The following ACTR3C variants were observed in gnomAD, a reference collection of about 807,000 sequenced individuals.
The protein encoded by ACTR3C is actin-related protein 3C.
In ACTR3C, 18 loss-of-function variants were observed where a neutral mutation model predicts 26.3. The observed-to-expected ratio is 0.68, with a 90% CI of 0.47 to 1.01. ACTR3C has a LOEUF of 1.01. Ranked by LOEUF, ACTR3C falls within the 50% of genes least tolerant of loss-of-function variation. ACTR3C has a pLI of 0.00. For synonymous variants in ACTR3C, 55 were observed against 94.5 expected, an observed-to-expected ratio of 0.58 and a Z score of 2.42; for missense variants, 184 against 250.7, an observed-to-expected ratio of 0.73 and a Z score of 1.80.
At chr7:150,041,193 A>G in the ACTR3C span, among the ~76,000 whole-genome samples, 1 of 150,380 alleles carries the variant, frequency 6.6e-6, no homozygotes, top group Admixed American at 6.6e-5. Flanking sequence ...CCATTTCAAA[A>G]GTTCCGGGTC....
chr7:150,314,990 A>T (rs1260201424), intron 1 of ACTR3C, among the ~76,000 whole-genome samples: 1 of 147,238 alleles, frequency 6.8e-6, no homozygotes, highest in Non-Finnish European at 1.5e-5. Flanking sequence ...ATTTTTAATA[A>T]TATTATTAAA....
the ACTR3C span, among the ~76,000 whole-genome samples, chr7:149,886,769 G>A: frequency 2.6e-5 from 4 of 152,154 alleles, no homozygotes; most frequent in South Asian, 4.2e-4. Context: ...CAGGCTGGGC[G>A]TCATAGTGAA....
At chr7:150,219,564 G>A in the ACTR3C span, among the ~76,000 whole-genome samples, 1 of 140,682 alleles carries the variant, frequency 7.1e-6, no homozygotes, top group Non-Finnish European at 1.5e-5. Context: ...GGCCCCACAG[G>A]ATCCGTGCGA....
At chr7:150,105,286 G>A in the ACTR3C span, among the ~76,000 whole-genome samples, 3 of 151,854 alleles carry the variant, frequency 2.0e-5, no homozygotes, top group South Asian at 6.2e-4. Context: ...GTTTCACCGT[G>A]TTAGACAGGA....
the ACTR3C span, among the ~76,000 whole-genome samples, chr7:150,053,234 C>T: frequency 3.3e-5 from 5 of 150,738 alleles, no homozygotes; most frequent in Admixed American, 6.7e-5. Context: ...TTCTCCAAAA[C>T]GTCTTAGTTC....
chr7:150,107,976 G>C, the ACTR3C span, among the ~76,000 whole-genome samples: 1 of 151,832 alleles, frequency 6.6e-6, no homozygotes, highest in Non-Finnish European at 1.5e-5. Flanking sequence ...GAGGATGATG[G>C]AATAATTAGA....
At chr7:150,013,514 G>T in the ACTR3C span, among the ~76,000 whole-genome samples, 1 of 152,202 alleles carries the variant, frequency 6.6e-6, no homozygotes, top group African/African-American at 2.4e-5. Flanking sequence ...GAAGCTAACT[G>T]CACCAAGAGA....
At chr7:149,887,775 G>A in the ACTR3C span, among the ~76,000 whole-genome samples, 1 of 142,452 alleles carries the variant, frequency 7.0e-6, no homozygotes, top group African/African-American at 2.6e-5. Context: ...CCCCTGTGTT[G>A]TGGGAGGGAC....
chr7:150,261,211 G>T (rs527331780), intron 6 of ACTR3C, among the ~76,000 whole-genome samples: 1 of 152,078 alleles, frequency 6.6e-6, no homozygotes, highest in Non-Finnish European at 1.5e-5. Context: ...TGGTGAGACC[G>T]TCACAGGTAT....
chr7:150,206,487 C>G, the ACTR3C span, among the ~76,000 whole-genome samples: 1 of 152,070 alleles, frequency 6.6e-6, no homozygotes, highest in Non-Finnish European at 1.5e-5. Context: ...GATTTTGGCT[C>G]ACCGCAACCT....
the ACTR3C span, among the ~76,000 whole-genome samples, chr7:150,180,062 T>C: frequency 6.6e-6 from 1 of 151,048 alleles, no homozygotes. Flanking sequence ...TCCCAGCACT[T>C]TGGGAGGCCG....
the ACTR3C span, among the ~76,000 whole-genome samples, chr7:149,951,685 G>A: frequency 6.6e-5 from 10 of 152,088 alleles, 1 homozygote; most frequent in East Asian, 1.3e-3. Flanking sequence ...CAAGGCTCAT[G>A]TGTTTAAATA....
chr7:150,182,072 T>C, the ACTR3C span, among the ~76,000 whole-genome samples: 1 of 150,594 alleles, frequency 6.6e-6, no homozygotes, highest in Non-Finnish European at 1.5e-5. Flanking sequence ...CAGTCCATGA[T>C]AACCAGCTCT....
chr7:150,126,027 C>T, the ACTR3C span, among the ~76,000 whole-genome samples: 1 of 152,180 alleles, frequency 6.6e-6, no homozygotes, highest in African/African-American at 2.4e-5. Flanking sequence ...CAGCTGACTG[C>T]CTTGCACCAG....
the ACTR3C span, among the ~76,000 whole-genome samples, chr7:150,219,351 C>T: frequency 6.8e-6 from 1 of 147,452 alleles, no homozygotes; most frequent in Non-Finnish European, 1.5e-5. Context: ...GTCTGCATAT[C>T]AAGGACTAAG....
the ACTR3C span, among the ~76,000 whole-genome samples, chr7:149,924,219 T>TA: frequency 3.4e-5 from 5 of 145,532 alleles, no homozygotes; most frequent in Middle Eastern, 0.01. Context: ...CTACTAAATA[T>TA]AAAAAATTAG....
intron 6 of ACTR3C, among the ~76,000 whole-genome samples, chr7:150,251,273 A>C (rs2129609250): frequency 6.6e-6 from 1 of 152,292 alleles, no homozygotes; most frequent in South Asian, 2.1e-4. Flanking sequence ...TTCAACACTA[A>C]ATTCTGATTA....
chr7:150,111,056 A>G, the ACTR3C span, among the ~76,000 whole-genome samples: 1 of 150,258 alleles, frequency 6.7e-6, no homozygotes, highest in Admixed American at 6.6e-5. Context: ...CACGTGGCAA[A>G]CCTCGCACCA....
the ACTR3C span, among the ~76,000 whole-genome samples, chr7:149,954,622 A>G: frequency 6.6e-5 from 10 of 151,942 alleles, no homozygotes; most frequent in African/African-American, 1.9e-4. Flanking sequence ...ACGTTGTGTT[A>G]ATTTCACTTA....
Sources: allele counts gnomAD v4.1 joint callset (sites outside exome capture counted in the v4.1 genomes callset), GRCh38; gene constraint gnomAD v4.1.1; transcripts MANE v1.5; gene names NCBI Gene and HGNC (gene_info 2026-07-23, HGNC 2026-07-21).